Variants in TOX observed in about 807,000 individuals in gnomAD.
TOX encodes the protein thymocyte selection-associated high mobility group box protein TOX.
TOX carries 11 observed loss-of-function variants against 53.7 expected under a neutral mutation model. The observed-to-expected ratio is 0.20, with a 90% CI of 0.13 to 0.34. TOX has a LOEUF of 0.34. Among genes scored for constraint, TOX ranks in the 10% least tolerant of loss-of-function variants. The probability of loss-of-function intolerance (pLI) is 1.00; values close to 1 mark genes in which losing one functional copy is unlikely to be tolerated. For missense variants in TOX, 570 were observed against 664.6 expected (o/e 0.86, Z 1.56); for synonymous variants, 225 against 245.3 (o/e 0.92, Z 0.77).
intron 3 of TOX, among the ~76,000 whole-genome samples, chr8:58,936,558 T>C (rs1005841625): frequency 3.9e-5 from 6 of 152,238 alleles, no homozygotes; most frequent in Non-Finnish European, 1.5e-5. Flanking sequence ...AATGGCATTC[T>C]AGTCGTGTGG....
intron 1 of TOX, among the ~76,000 whole-genome samples, chr8:59,061,721 C>CTA (rs1431132766): frequency 6.6e-6 from 1 of 151,678 alleles, no homozygotes; most frequent in Non-Finnish European, 1.5e-5. Flanking sequence ...TAACACTTTC[C>CTA]TATATATATC....
intron 1 of TOX, among the ~76,000 whole-genome samples, chr8:58,980,279 A>C (rs1053523953): frequency 1.3e-5 from 2 of 152,158 alleles, no homozygotes; most frequent in African/African-American, 2.4e-5. Flanking sequence ...CTCCCACTGT[A>C]TGGACTGTTC....
intron 1 of TOX, among the ~76,000 whole-genome samples, chr8:59,038,521 T>C (rs929181891): frequency 6.6e-6 from 1 of 152,196 alleles, no homozygotes; most frequent in Non-Finnish European, 1.5e-5. Context: ...ATAACAACAG[T>C]AGCTGTTTCA....
chr8:58,915,067 G>T (rs1400801855), intron 3 of TOX, among the ~76,000 whole-genome samples: 28 of 148,510 alleles, frequency 1.9e-4, no homozygotes, highest in African/African-American at 6.2e-4. Flanking sequence ...ACGGAATCTC[G>T]CTGATTGCTA....
chr8:58,881,723 C>CAAAAA (rs11316154), intron 3 of TOX, among the ~76,000 whole-genome samples: 9 of 82,502 alleles, frequency 1.1e-4, no homozygotes, highest in Non-Finnish European at 1.3e-4. Context: ...GATTCCATCT[C>CAAAAA]AAAAAAAAAA....
intron 1 of TOX, among the ~76,000 whole-genome samples, chr8:59,044,593 AT>A (rs1374691899): frequency 1.3e-5 from 2 of 152,196 alleles, no homozygotes; most frequent in African/African-American, 4.8e-5. Flanking sequence ...AAATTAGCTT[AT>A]TTCCCCAGAA....
Position 58,965,892 on chromosome 8 carries a change from T to A in TOX, c.103-5884A>T, listed in dbSNP as rs181415552. Among the ~76,000 whole-genome samples the A allele has an allele frequency of 1.6e-5, 2 of 121,848 alleles. 1 individual carries two copies. The highest frequency in any genetic ancestry group is 3.4e-5 in the Non-Finnish European group (2 of 59,694). The allele number at this position is 121,848 out of a possible 152,430, so 79.9% of individuals were successfully genotyped here. A position where few individuals can be genotyped will look rare whatever the true frequency, so the allele number is the denominator to read the frequency against. ...TGGCCCAGTATAAGATTACGAGTCA[T>A]CGTTTTTTTTTTTTTTTTTTTTTTT... On this transcript the variant is annotated intron_variant, in intron 1 of 8. Transcript: ENST00000361421.
chr8:58,945,701 G>T (rs763863498), intron 2 of TOX, among the ~76,000 whole-genome samples: 1 of 152,160 alleles, frequency 6.6e-6, no homozygotes, highest in Non-Finnish European at 1.5e-5. Flanking sequence ...ATCTGGAAAT[G>T]GAATGTTAAT....
chr8:58,846,623 G>A (rs559220074), intron 4 of TOX, among the ~76,000 whole-genome samples: 1 of 152,178 alleles, frequency 6.6e-6, no homozygotes, highest in South Asian at 2.1e-4. Flanking sequence ...GTCTAGTGTG[G>A]CAGAGCACAT....
chr8:58,855,535 T>C (rs2129168601), intron 3 of TOX, among the ~76,000 whole-genome samples: 1 of 152,310 alleles, frequency 6.6e-6, no homozygotes, highest in Non-Finnish European at 1.5e-5. Context: ...ATTATTTCCA[T>C]CTGCCCTTCC....
At chr8:58,812,439 C>T (rs1268500560) in intron 7 of TOX, among the ~76,000 whole-genome samples, 2 of 152,158 alleles carry the variant, frequency 1.3e-5, no homozygotes, top group African/African-American at 4.8e-5. Context: ...CAGCTAGAGT[C>T]CCCTTTCCTG....
At chr8:58,941,201 A>T (rs1812433290) in intron 2 of TOX, among the ~76,000 whole-genome samples, 1 of 152,216 alleles carries the variant, frequency 6.6e-6, no homozygotes, top group Non-Finnish European at 1.5e-5. Flanking sequence ...ACCCTTACAG[A>T]TCTAAGCCAT....
intron 1 of TOX, among the ~76,000 whole-genome samples, chr8:59,083,400 A>T (rs146896397): frequency 2.0e-5 from 3 of 152,194 alleles, no homozygotes; most frequent in Admixed American, 2.0e-4. Context: ...ATCAAATAAT[A>T]TTTTAAGAGT....
intron 1 of TOX, among the ~76,000 whole-genome samples, chr8:59,070,844 T>A (rs952290253): frequency 6.6e-6 from 1 of 152,126 alleles, no homozygotes; most frequent in Admixed American, 6.6e-5. Flanking sequence ...GAATGTACAA[T>A]TACCTCAGAG....
intron 1 of TOX, among the ~76,000 whole-genome samples, chr8:58,965,250 G>T (rs531763671): frequency 6.6e-6 from 1 of 152,098 alleles, no homozygotes; most frequent in Non-Finnish European, 1.5e-5. Flanking sequence ...TTGACCAAGC[G>T]CTTTTAGACT....
chr8:58,807,600 G>A lies in TOX; in HGVS notation c.*147C>T. 1 of 729,366 alleles carries A rather than the reference G, an allele frequency of 1.4e-6. No individual in the cohort carries two copies. Among genetic ancestry groups the A allele is most frequent in the South Asian group, 2.1e-5 (1 of 46,746 alleles). 45.2% of individuals were successfully genotyped at this position (729,366 alleles called of 1,614,324 possible). A position where few individuals can be genotyped will look rare whatever the true frequency, so the allele number is the denominator to read the frequency against. ...AAGAAGCATGACTATTTCTTCCAGA[G>A]TGGGTGACCCACAAGCTCAAATGGT... On this transcript the variant is annotated 3_prime_UTR_variant, in exon 9 of 9. Coordinates refer to ENST00000361421, the MANE Select transcript of TOX (RefSeq NM_014729.3).
At chr8:59,076,636 C>T (rs182492888) in intron 1 of TOX, among the ~76,000 whole-genome samples, 3 of 152,086 alleles carry the variant, frequency 2.0e-5, no homozygotes, top group Admixed American at 1.3e-4. Flanking sequence ...TTTTATGTTG[C>T]TAATTTTATG....
intron 1 of TOX, among the ~76,000 whole-genome samples, chr8:59,021,779 A>G (rs1458223309): frequency 6.6e-6 from 1 of 152,142 alleles, no homozygotes; most frequent in Non-Finnish European, 1.5e-5. Context: ...AATCAAAATC[A>G]TGATTGAAAT....
intron 1 of TOX, among the ~76,000 whole-genome samples, chr8:59,094,431 A>G (rs1260262492): frequency 6.6e-6 from 1 of 152,132 alleles, no homozygotes; most frequent in Admixed American, 6.5e-5. Flanking sequence ...TGAGGTCAGG[A>G]GTTTGAGACC....
Sources: allele counts gnomAD v4.1 joint callset (sites outside exome capture counted in the v4.1 genomes callset), GRCh38; gene constraint gnomAD v4.1.1; transcripts MANE v1.5; gene names NCBI Gene and HGNC (gene_info 2026-07-23, HGNC 2026-07-21).